The following EPN2 variants were observed in gnomAD, a reference collection of about 807,000 sequenced individuals.
EPN2 encodes the protein epsin-2.
A neutral mutation model predicts 61.7 loss-of-function variants in EPN2; 34 were observed. The ratio of observed to expected loss-of-function variants is 0.55; its 90% CI spans 0.42 to 0.73. EPN2 has a LOEUF of 0.73. EPN2 is among the 30% of genes least tolerant of loss of function. The pLI is 0.00. For missense variants in EPN2, 714 were observed against 839.2 expected (o/e 0.85, Z 1.84); for synonymous variants, 349 against 353.6 (o/e 0.99, Z 0.15).
In EPN2 at chr17:19,283,436, T is replaced by A. The variant is rs1228325510; in HGVS notation, c.317T>A (p.Leu106Gln). Reference sequence around the variant, plus strand: ...GAGAACATCTTCGCCATCCAGACCCTGAAGGACTTCCAGTACATTGACCGA... The same window carrying A: ...GAGAACATCTTCGCCATCCAGACCCAGAAGGACTTCCAGTACATTGACCGA... ...CRENIFAIQT[L>Q]KDFQYIDRDG... The change falls in exon 3 of 11, where the codon CTG (leucine) becomes CAG (glutamine). Residue 106 changes from leucine (L) to glutamine (Q), a missense_variant. Leu to Gln is a moderately radical substitution (Grantham distance 113). Around this residue, in one of 2 missense-constraint regions of EPN2, gnomAD observed 304 missense variants for 417.4 expected, o/e 0.73. Transcript: ENST00000314728. The surrounding 1 kb of genome is among the most constrained non-coding windows in gnomAD (Gnocchi z 7.0). 1 of 1,614,150 alleles carries A rather than the reference T, an allele frequency of 6.2e-7. No homozygotes were observed.
rs58985982 is a variant in EPN2, at chr17:19,265,784, C to T, written c.-293-16171C>T. ...CTCCTCCAGGCCTGTCCTGCCAGCACCTCCAGCCATGTTTGTTTGAAATAA... is the reference window on the plus strand; with the variant it reads ...CTCCTCCAGGCCTGTCCTGCCAGCATCTCCAGCCATGTTTGTTTGAAATAA... On this transcript the variant is annotated intron_variant, in intron 1 of 10. Coordinates refer to ENST00000314728, the MANE Select transcript of EPN2 (RefSeq NM_014964.5). Among the ~76,000 whole-genome samples, 993 of 152,334 alleles carry T rather than the reference C, an allele frequency of 6.5e-3. 54 individuals carry two copies. In the East Asian group the frequency reaches 0.12, roughly 18 times the overall value.
At position 19,328,875 on chromosome 17, in the gene EPN2, G is replaced by A; in HGVS notation, c.1312G>A (p.Val438Met). The A allele has an allele frequency of 6.8e-6, 11 of 1,611,200 alleles. No homozygotes were observed. The highest frequency in any genetic ancestry group is 2.2e-5 in the East Asian group (1 of 44,800). Residue 438 changes from valine to methionine, a missense_variant, in exon 8 of 11, where the codon GTG becomes ATG. By Grantham distance (21) the Val-to-Met change is conservative (BLOSUM62 1). Coordinates refer to ENST00000314728, the MANE Select transcript of EPN2 (RefSeq NM_014964.5). ...AWGAVSTTKP[V>M]SVSGSFELFS... ...GGGCGCAGTCTCCACCACCAAGCCCGTGTCTGTCTCTGGTGAGCCCCTCAC... is the reference window on the plus strand; with the variant it reads ...GGGCGCAGTCTCCACCACCAAGCCCATGTCTGTCTCTGGTGAGCCCCTCAC...
intron 1 of EPN2, among the ~76,000 whole-genome samples, chr17:19,255,903 A>G (rs1258170791): frequency 6.6e-6 from 1 of 151,924 alleles, no homozygotes; most frequent in African/African-American, 2.4e-5. Flanking sequence ...TATTACAGAC[A>G]TGAGTCACCA....
chr17:19,272,944 C>G (rs898228296), intron 1 of EPN2, among the ~76,000 whole-genome samples: 1 of 152,186 alleles, frequency 6.6e-6, no homozygotes, highest in Admixed American at 6.5e-5. Flanking sequence ...CATTTCCTCA[C>G]CTGCCCATGT....
intron 4 of EPN2, among the ~76,000 whole-genome samples, chr17:19,296,307 C>T (rs559545561): frequency 5.7e-4 from 86 of 152,128 alleles, no homozygotes; most frequent in Middle Eastern, 3.4e-3. Flanking sequence ...CGTGCCACCA[C>T]GCCCAGCTAA....
At chr17:19,271,697 AGTTAGAT>A (rs2045255788) in intron 1 of EPN2, 1 of 152,274 alleles carries the variant, frequency 6.6e-6, no homozygotes, top group Non-Finnish European at 1.5e-5. Flanking sequence ...CTATGGAAAG[AGTTAGAT>A]GTGACCTCCT....
At chr17:19,262,027 A>G (rs759173420) in intron 1 of EPN2, among the ~76,000 whole-genome samples, 2 of 152,122 alleles carry the variant, frequency 1.3e-5, no homozygotes, top group African/African-American at 2.4e-5. Flanking sequence ...TCTCTACTAA[A>G]AATACAAAAA....
chr17:19,266,049 G>A (rs1252375765), intron 1 of EPN2, among the ~76,000 whole-genome samples: 6 of 152,060 alleles, frequency 3.9e-5, no homozygotes, highest in Non-Finnish European at 8.8e-5. Flanking sequence ...TCGTCTTTCT[G>A]TCTTCCTACT....
intron 4 of EPN2, among the ~76,000 whole-genome samples, chr17:19,297,547 C>G (rs1381649809): frequency 7.2e-5 from 11 of 152,188 alleles, no homozygotes; most frequent in Admixed American, 7.2e-4. Flanking sequence ...TTGGTGGGCC[C>G]CATTTAAGAG....
At chr17:19,275,023 C>G (rs1188100833) in intron 1 of EPN2, among the ~76,000 whole-genome samples, 1 of 152,180 alleles carries the variant, frequency 6.6e-6, no homozygotes, top group Non-Finnish European at 1.5e-5. Flanking sequence ...TTTGTGGTTC[C>G]CGTCATGAGT....
At position 19,285,621 on chromosome 17, in the gene EPN2, G is replaced by T. The variant is rs551748356; in HGVS notation, c.597G>T (p.Ser199=). The T allele has an allele frequency of 1.9e-6, 3 of 1,539,480 alleles. No homozygotes were observed. Among genetic ancestry groups the T allele is most frequent in the East Asian group, 4.8e-5 (2 of 41,328 alleles). The stretch of plus-strand genomic sequence containing the variant: ...TGTGTGTGTGTCCCTGCCCCACAGC[G>T]CCTGAGGCCTCGCTGTGCCCCCAGC... The part of the protein sequence containing the change: ...AGGSPASYHG[S]PEASLCPQHR... The change falls in exon 4 of 11, where the codon TCG becomes TCT. Residue 199 remains serine, a splice_region_variant and synonymous_variant. Transcript: ENST00000314728. The surrounding 1 kb of genome is among the most constrained non-coding windows in gnomAD (Gnocchi z 4.5).
At chr17:19,237,830 C>G (rs530412669) in intron 1 of EPN2, among the ~76,000 whole-genome samples, 1 of 152,224 alleles carries the variant, frequency 6.6e-6, no homozygotes, top group South Asian at 2.1e-4. Context: ...CTTTTATGTC[C>G]CCAGAGTCCA....
intron 4 of EPN2, among the ~76,000 whole-genome samples, chr17:19,294,153 C>T (rs2045492460): frequency 1.3e-5 from 2 of 151,732 alleles, no homozygotes. Context: ...TGCAGTGGCC[C>T]ATGCCTGTAA....
intron 1 of EPN2, chr17:19,276,272 C>G (rs1246108960): frequency 6.6e-6 from 1 of 151,914 alleles, no homozygotes; most frequent in African/African-American, 2.4e-5. Flanking sequence ...ACTGTAGCCT[C>G]CATCTCCTGG....
intron 1 of EPN2, among the ~76,000 whole-genome samples, chr17:19,266,807 A>G (rs1254728568): frequency 6.6e-6 from 1 of 151,930 alleles, no homozygotes; most frequent in Non-Finnish European, 1.5e-5. Context: ...GGTAAACAAA[A>G]TGTGGTCCAT....
intron 4 of EPN2, among the ~76,000 whole-genome samples, chr17:19,287,286 C>T (rs927619205): frequency 2.0e-5 from 3 of 152,126 alleles, no homozygotes; most frequent in East Asian, 1.9e-4. Context: ...GTATCCACCC[C>T]GTGTGGATTT....
At chr17:19,315,189 A>G (rs1427593059) in intron 7 of EPN2, among the ~76,000 whole-genome samples, 4 of 152,200 alleles carry the variant, frequency 2.6e-5, no homozygotes, top group African/African-American at 9.7e-5. Context: ...TAAATGACCA[A>G]GTTATGCCCA....
intron 4 of EPN2, among the ~76,000 whole-genome samples, chr17:19,306,906 G>A (rs1333093061): frequency 6.6e-6 from 1 of 152,234 alleles, no homozygotes; most frequent in African/African-American, 2.4e-5. Flanking sequence ...TGTGAACCAA[G>A]CCTCAGAGAT....
intron 1 of EPN2, among the ~76,000 whole-genome samples, chr17:19,240,958 T>C (rs1319330933): frequency 1.3e-5 from 2 of 152,332 alleles, no homozygotes; most frequent in South Asian, 2.1e-4. Context: ...AAATCACTAC[T>C]GTTGGTTCAG....
Sources: gnomAD v4.1 joint callset for allele counts (sites outside exome capture counted in the v4.1 genomes callset) on GRCh38, gnomAD v4.1.1 for gene constraint, gnomAD v4.1.1 regional missense constraint, Gnocchi (gnomAD v3.1) non-coding constraint, MANE v1.5 for transcripts, NCBI Gene and HGNC (gene_info 2026-07-23, HGNC 2026-07-21) for gene names.